FOXP2: variants seen among roughly 807,000 people sequenced by gnomAD.
FOXP2 encodes forkhead box protein P2.
Under a neutral mutation model 115.8 loss-of-function variants are expected in FOXP2, and 12 were observed. The observed-to-expected ratio is 0.10, with a 90% CI of 0.07 to 0.17. FOXP2 has a LOEUF of 0.17. FOXP2 is among the 10% of genes least tolerant of loss of function. FOXP2 has a pLI of 1.00. For missense variants in FOXP2, 629 were observed against 843.5 expected (o/e 0.75, Z 3.15); for synonymous variants, 328 against 297.7 (o/e 1.10, Z -1.05).
At chr7:114,567,842 C>T (rs532502647) in intron 3 of FOXP2, among the ~76,000 whole-genome samples, 1 of 152,028 alleles carries the variant, frequency 6.6e-6, no homozygotes, top group Non-Finnish European at 1.5e-5. Flanking sequence ...TTTAGGGAAG[C>T]CATGAGAAGA....
At chr7:114,205,510 A>T (rs1356590994) in intron 1 of FOXP2, among the ~76,000 whole-genome samples, 1 of 152,128 alleles carries the variant, frequency 6.6e-6, no homozygotes, top group Non-Finnish European at 1.5e-5. Flanking sequence ...CAAGTTTTTA[A>T]TATTTTTGGT....
chr7:114,319,289 G>A (rs1797350198), intron 2 of FOXP2, among the ~76,000 whole-genome samples: 1 of 152,178 alleles, frequency 6.6e-6, no homozygotes, highest in Non-Finnish European at 1.5e-5. Context: ...CTGCCTTTGT[G>A]TTCTCCTCAG....
At chr7:114,459,697 C>T (rs971579358) in intron 2 of FOXP2, among the ~76,000 whole-genome samples, 1 of 151,300 alleles carries the variant, frequency 6.6e-6, no homozygotes, top group Non-Finnish European at 1.5e-5. Flanking sequence ...CTCACAGCAA[C>T]CTCCATCTCC....
At chr7:114,165,014 A>G (rs1177978267) in intron 1 of FOXP2, among the ~76,000 whole-genome samples, 1 of 152,094 alleles carries the variant, frequency 6.6e-6, no homozygotes. Flanking sequence ...ACTAGACTTT[A>G]GTGTTTGGAA....
At chr7:114,149,353 T>C (rs1476271235) in intron 1 of FOXP2, among the ~76,000 whole-genome samples, 1 of 152,074 alleles carries the variant, frequency 6.6e-6, no homozygotes, top group Non-Finnish European at 1.5e-5. Flanking sequence ...TTATAAATAA[T>C]TGCCCAATAT....
At chr7:114,450,416 A>T (rs1193412566) in intron 2 of FOXP2, among the ~76,000 whole-genome samples, 1 of 152,144 alleles carries the variant, frequency 6.6e-6, no homozygotes, top group Admixed American at 6.6e-5. Flanking sequence ...ATAAGAACAG[A>T]TCAGAATTCA....
At chr7:114,491,144 T>C (rs1191899314) in intron 2 of FOXP2, among the ~76,000 whole-genome samples, 1 of 152,194 alleles carries the variant, frequency 6.6e-6, no homozygotes, top group Non-Finnish European at 1.5e-5. Flanking sequence ...TGTTCCTATT[T>C]CTCCACATCC....
At chr7:114,360,068 A>T (rs986426403) in intron 2 of FOXP2, among the ~76,000 whole-genome samples, 1 of 152,056 alleles carries the variant, frequency 6.6e-6, no homozygotes, top group African/African-American at 2.4e-5. Context: ...CATGGGAGGG[A>T]TGCGGTGGGA....
chr7:114,462,087 C>T (rs113918809), intron 2 of FOXP2, among the ~76,000 whole-genome samples: 13 of 151,812 alleles, frequency 8.6e-5, no homozygotes, highest in African/African-American at 3.1e-4. Flanking sequence ...CGAGACCATC[C>T]TGACCAACAT....
intron 1 of FOXP2, among the ~76,000 whole-genome samples, chr7:114,246,358 A>G (rs1562834025): frequency 6.6e-6 from 1 of 152,128 alleles, no homozygotes; most frequent in Non-Finnish European, 1.5e-5. Context: ...TCATTTAATA[A>G]TGTACTTTTC....
At chr7:114,327,622 C>T (rs937527951) in intron 2 of FOXP2, among the ~76,000 whole-genome samples, 1 of 151,790 alleles carries the variant, frequency 6.6e-6, no homozygotes, top group Non-Finnish European at 1.5e-5. Flanking sequence ...CTGCCTCAGC[C>T]TCCTGAATAG....
intron 2 of FOXP2, among the ~76,000 whole-genome samples, chr7:114,526,450 T>G (rs1422513016): frequency 7.0e-6 from 1 of 143,572 alleles, no homozygotes; most frequent in Non-Finnish European, 1.5e-5. Flanking sequence ...CACTCCAGTC[T>G]GGGCGACAGG....
At chr7:114,396,221 C>T (rs1468447676) in intron 2 of FOXP2, among the ~76,000 whole-genome samples, 2 of 151,918 alleles carry the variant, frequency 1.3e-5, no homozygotes, top group Non-Finnish European at 2.9e-5. Flanking sequence ...TCCATGAATT[C>T]AATTGTTTTA....
At chr7:114,318,328 T>C (rs1484976620) in intron 2 of FOXP2, among the ~76,000 whole-genome samples, 1 of 151,766 alleles carries the variant, frequency 6.6e-6, no homozygotes, top group Non-Finnish European at 1.5e-5. Flanking sequence ...GAAGAATTCT[T>C]TGTACTTCTT....
intron 2 of FOXP2, among the ~76,000 whole-genome samples, chr7:114,299,443 A>G (rs1435281119): frequency 6.6e-6 from 1 of 152,038 alleles, no homozygotes; most frequent in Non-Finnish European, 1.5e-5. Flanking sequence ...CTGACTAGGT[A>G]AAACCAATTA....
At chr7:114,439,743 GTGTGTGTGTA>G (rs891888080) in intron 2 of FOXP2, among the ~76,000 whole-genome samples, 2 of 151,882 alleles carry the variant, frequency 1.3e-5, no homozygotes, top group African/African-American at 4.8e-5. Context: ...AGATGTGTGT[GTGTGTGTGTA>G]TGTGGAGACA....
At chr7:114,163,358 A>G (rs950593547) in intron 1 of FOXP2, among the ~76,000 whole-genome samples, 2 of 152,084 alleles carry the variant, frequency 1.3e-5, no homozygotes, top group African/African-American at 4.8e-5. Flanking sequence ...GAGTATTCTG[A>G]TGAAAAGAAG....
intron 2 of FOXP2, among the ~76,000 whole-genome samples, chr7:114,462,132 T>G (rs1229167744): frequency 1.3e-5 from 2 of 150,734 alleles, no homozygotes; most frequent in Non-Finnish European, 3.0e-5. Flanking sequence ...AATACAAAAA[T>G]TAGCCGGGCG....
chr7:114,321,539 C>T (rs552638197), intron 2 of FOXP2, among the ~76,000 whole-genome samples: 1 of 152,196 alleles, frequency 6.6e-6, no homozygotes, highest in South Asian at 2.1e-4. Flanking sequence ...AAAAATAGTT[C>T]CCATTCTACT....
Sources: gnomAD v4.1 joint callset for allele counts (sites outside exome capture counted in the v4.1 genomes callset) on GRCh38, gnomAD v4.1.1 for gene constraint, MANE v1.5 for transcripts, NCBI Gene and HGNC (gene_info 2026-07-23, HGNC 2026-07-21) for gene names.